Variants in ARK2C observed in about 807,000 individuals in gnomAD.
ARK2C encodes the protein arkadia (RNF111) C-terminal like ring finger ubiquitin ligase 2C, also known as E3 ubiquitin-protein ligase ARK2C.
the ARK2C span, among the ~76,000 whole-genome samples, chr18:46,452,789 T>G: frequency 1.3e-5 from 2 of 152,078 alleles, no homozygotes; most frequent in African/African-American, 4.8e-5. Context: ...GACCCTAGGG[T>G]GCATTGGTCG....
the ARK2C span, among the ~76,000 whole-genome samples, chr18:46,379,890 T>C: frequency 1.3e-5 from 2 of 152,022 alleles, no homozygotes; most frequent in African/African-American, 4.8e-5. Flanking sequence ...ATGGCTGTCC[T>C]GCCCCTGGCC....
chr18:46,400,470 G>T, the ARK2C span, among the ~76,000 whole-genome samples: 1 of 152,210 alleles, frequency 6.6e-6, no homozygotes, highest in Non-Finnish European at 1.5e-5. Context: ...CTCAGATCCA[G>T]TGGGGACCCT....
the ARK2C span, among the ~76,000 whole-genome samples, chr18:46,424,746 C>A: frequency 6.6e-6 from 1 of 152,170 alleles, no homozygotes; most frequent in Non-Finnish European, 1.5e-5. Flanking sequence ...AAACTAGGGC[C>A]TGGAGAAGTC....
chr18:46,383,007 C>T, the ARK2C span, among the ~76,000 whole-genome samples: 2 of 152,266 alleles, frequency 1.3e-5, no homozygotes, highest in Admixed American at 6.5e-5. Context: ...GGGTCTGGAA[C>T]CTCATGCACC....
chr18:46,445,689 C>T, the ARK2C span, among the ~76,000 whole-genome samples: 4 of 152,176 alleles, frequency 2.6e-5, no homozygotes, highest in Admixed American at 6.5e-5. Flanking sequence ...CTGGAATGTG[C>T]CTTCATGCAA....
At chr18:46,404,700 C>A in the ARK2C span, among the ~76,000 whole-genome samples, 1 of 151,932 alleles carries the variant, frequency 6.6e-6, no homozygotes, top group African/African-American at 2.4e-5. Flanking sequence ...TTGTAGTGAG[C>A]CGAGACCGCG....
At chr18:46,334,293 G>A in the ARK2C span, 2 of 1,579,358 alleles carry the variant, frequency 1.3e-6, no homozygotes, top group Admixed American at 1.8e-5. The surrounding 1 kb of genome is among the most constrained non-coding windows in gnomAD (Gnocchi z 4.4). Context: ...GGTCCACGTC[G>A]GCTATCTCGT....
the ARK2C span, among the ~76,000 whole-genome samples, chr18:46,427,309 C>T: frequency 2.6e-5 from 4 of 152,232 alleles, no homozygotes; most frequent in Admixed American, 6.5e-5. Flanking sequence ...CTTCCCAGTG[C>T]GTCTGCTGGA....
At chr18:46,390,008 G>C in the ARK2C span, among the ~76,000 whole-genome samples, 1 of 152,148 alleles carries the variant, frequency 6.6e-6, no homozygotes, top group Admixed American at 6.5e-5. Context: ...GACTATAGGC[G>C]TGAGCCACCA....
At chr18:46,353,496 G>T in the ARK2C span, among the ~76,000 whole-genome samples, 4 of 152,290 alleles carry the variant, frequency 2.6e-5, no homozygotes, top group South Asian at 2.1e-4. Context: ...TGCCTGGCAG[G>T]TCGTAGGCAC....
chr18:46,412,076 A>T, the ARK2C span, among the ~76,000 whole-genome samples: 1 of 152,230 alleles, frequency 6.6e-6, no homozygotes, highest in Admixed American at 6.5e-5. Context: ...CTCTTCCCCA[A>T]GTGCAGATCT....
the ARK2C span, among the ~76,000 whole-genome samples, chr18:46,350,165 C>T: frequency 2.0e-5 from 3 of 152,202 alleles, no homozygotes; most frequent in Non-Finnish European, 4.4e-5. Flanking sequence ...TCTGACATGT[C>T]ACCTGTGCCC....
the ARK2C span, among the ~76,000 whole-genome samples, chr18:46,425,814 C>T: frequency 6.6e-6 from 1 of 152,160 alleles, no homozygotes; most frequent in East Asian, 1.9e-4. Context: ...GTTTTGGATG[C>T]TCTAACAGAA....
At chr18:46,415,101 T>G in the ARK2C span, among the ~76,000 whole-genome samples, 1 of 152,182 alleles carries the variant, frequency 6.6e-6, no homozygotes, top group Non-Finnish European at 1.5e-5. Flanking sequence ...CAGGGCCTGG[T>G]GGAGTCCCTG....
At chr18:46,364,495 G>A in the ARK2C span, among the ~76,000 whole-genome samples, 35 of 152,018 alleles carry the variant, frequency 2.3e-4, no homozygotes, top group Non-Finnish European at 4.1e-4. Context: ...AGAACCCTTC[G>A]TGATGCCGAC....
chr18:46,441,777 A>T, the ARK2C span, among the ~76,000 whole-genome samples: 1 of 146,904 alleles, frequency 6.8e-6, no homozygotes, highest in African/African-American at 2.5e-5. Context: ...AGTCCCAGCT[A>T]CTCGGGAGGC....
At chr18:46,441,174 G>C in the ARK2C span, among the ~76,000 whole-genome samples, 1 of 151,970 alleles carries the variant, frequency 6.6e-6, no homozygotes, top group African/African-American at 2.4e-5. Flanking sequence ...TTAAATTTTT[G>C]TAGAGACAGA....
the ARK2C span, among the ~76,000 whole-genome samples, chr18:46,454,671 C>T: frequency 2.0e-5 from 3 of 152,180 alleles, no homozygotes; most frequent in Admixed American, 6.5e-5. Flanking sequence ...CCTTGCCCCA[C>T]GGTCATTCTC....
At chr18:46,415,679 C>T in the ARK2C span, among the ~76,000 whole-genome samples, 6 of 152,170 alleles carry the variant, frequency 3.9e-5, no homozygotes, top group Admixed American at 3.3e-4. Flanking sequence ...AGATTCCCAA[C>T]CTGGGCCAAG....
Sources: allele counts gnomAD v4.1 joint callset (sites outside exome capture counted in the v4.1 genomes callset), GRCh38; gene constraint gnomAD v4.1.1; non-coding constraint Gnocchi (gnomAD v3.1); transcripts MANE v1.5; gene names NCBI Gene and HGNC (gene_info 2026-07-23, HGNC 2026-07-21).